Variants in KIF16B observed in about 807,000 individuals in gnomAD.
The protein encoded by KIF16B is kinesin-like protein KIF16B.
In KIF16B, 98 loss-of-function variants were observed where a neutral mutation model predicts 156.3. That is an observed-to-expected ratio of 0.63 (90% CI 0.53 to 0.74). The LOEUF (loss-of-function observed/expected upper bound fraction) is 0.74, where lower values mean the gene tolerates loss of function less well. KIF16B is among the 30% of genes least tolerant of loss of function. The probability of loss-of-function intolerance (pLI) is 0.00; values close to 1 mark genes in which losing one functional copy is unlikely to be tolerated. For synonymous variants in KIF16B, 564 were observed against 583.7 expected (o/e 0.97, Z 0.49); for missense variants, 1,421 against 1,606.5 (o/e 0.88, Z 1.97).
rs183369593 is a variant in KIF16B, at chr20:16,432,992, A to G, written c.1303-3010T>C. ...GTAACATTGATTTACTATAGCAAGGAATATGCAAATCTCAGCTAAACTGAG... is the reference window on the plus strand; with the variant it reads ...GTAACATTGATTTACTATAGCAAGGGATATGCAAATCTCAGCTAAACTGAG... On this transcript the variant is annotated intron_variant, in intron 12 of 25. Coordinates refer to ENST00000354981, the MANE Select transcript of KIF16B (RefSeq NM_024704.5). Among the ~76,000 whole-genome samples the G allele has an allele frequency of 2.4e-3, 368 of 152,310 alleles. 2 individuals carry two copies. Among genetic ancestry groups the G allele is most frequent in the Non-Finnish European group, 3.8e-3 (259 of 68,038 alleles).
intron 18 of KIF16B, 75 bp from the exon 19 acceptor site, chr20:16,380,238 G>A (rs1340479431): frequency 7.6e-7 from 1 of 1,320,196 alleles, no homozygotes; most frequent in Non-Finnish European, 9.9e-7. Context: ...GAAATGTTCT[G>A]AAAATGCACA....
intron 1 of KIF16B, among the ~76,000 whole-genome samples, chr20:16,556,512 CCCCCTGG>C (rs1461670069): frequency 6.6e-6 from 1 of 152,132 alleles, no homozygotes; most frequent in Non-Finnish European, 1.5e-5. Flanking sequence ...TCTATTCTTG[CCCCCTGG>C]GATTCTGTTC....
chr20:16,418,186 A>T (rs1307398351), intron 15 of KIF16B, among the ~76,000 whole-genome samples: 1 of 152,130 alleles, frequency 6.6e-6, no homozygotes, highest in African/African-American at 2.4e-5. Flanking sequence ...AAAGAGAAAA[A>T]AAGGGGTTAA....
At chr20:16,539,466 G>A (rs913757756) in intron 1 of KIF16B, among the ~76,000 whole-genome samples, 3 of 152,172 alleles carry the variant, frequency 2.0e-5, no homozygotes, top group Non-Finnish European at 4.4e-5. Context: ...AAACTTGAGC[G>A]TGATGACCTA....
intron 10 of KIF16B, among the ~76,000 whole-genome samples, chr20:16,498,529 T>C (rs2068520369): frequency 1.3e-5 from 2 of 152,168 alleles, no homozygotes; most frequent in Admixed American, 6.5e-5. Context: ...AAAACACTAT[T>C]CTGGACATTG....
chr20:16,429,780 A>T, intron 13 of KIF16B, 83 bp downstream of exon 13: 1 of 1,202,300 alleles, frequency 8.3e-7, no homozygotes, highest in Non-Finnish European at 1.1e-6. Context: ...GTTCATGACC[A>T]TAGAATATTA....
At chr20:16,332,975 T>C (rs2063974442) in intron 24 of KIF16B, among the ~76,000 whole-genome samples, 1 of 152,188 alleles carries the variant, frequency 6.6e-6, no homozygotes, top group South Asian at 2.1e-4. Context: ...GGTATGGCCA[T>C]TAAAATGACC....
chr20:16,500,940 C>T lies in KIF16B; in HGVS notation c.1177-3262G>A, dbSNP rs570775313. Reference sequence around the variant, plus strand: ...TTTCATTTCTATACTGTTTGATTTACTTGTTGTCTCCAGATACATTCAAGA... The same window carrying T: ...TTTCATTTCTATACTGTTTGATTTATTTGTTGTCTCCAGATACATTCAAGA... On this transcript the variant is annotated intron_variant, in intron 10 of 25. Transcript: ENST00000354981. Among the ~76,000 whole-genome samples the T allele has an allele frequency of 7.2e-5, 11 of 152,158 alleles. No individual in the cohort carries two copies. The South Asian group carries it at 2.1e-3, about 29-fold the overall frequency.
intron 12 of KIF16B, among the ~76,000 whole-genome samples, chr20:16,471,517 A>C (rs1035324323): frequency 5.3e-5 from 8 of 152,206 alleles, no homozygotes; most frequent in Non-Finnish European, 1.0e-4. Context: ...CAATGATATA[A>C]TCTTGAATCT....
At chr20:16,319,503 A>ATT (rs2063744315) in intron 24 of KIF16B, among the ~76,000 whole-genome samples, 1 of 152,216 alleles carries the variant, frequency 6.6e-6, no homozygotes, top group African/African-American at 2.4e-5. Context: ...GATCCAGTGG[A>ATT]GAAGTGAGAT....
chr20:16,491,672 G>A (rs369959306), intron 12 of KIF16B, among the ~76,000 whole-genome samples: 2 of 152,178 alleles, frequency 1.3e-5, no homozygotes, highest in African/African-American at 4.8e-5. Flanking sequence ...GAGAACTGAA[G>A]ACTAACATCC....
chr20:16,544,327 C>T (rs6044100), intron 1 of KIF16B, among the ~76,000 whole-genome samples: 53,973 of 151,934 alleles, frequency 0.36, 9,646 homozygotes, highest in African/African-American at 0.38. Flanking sequence ...AATGCTTCCT[C>T]AGCCGGGCAC....
intron 17 of KIF16B, chr20:16,382,160 A>T: frequency 7.8e-7 from 1 of 1,284,910 alleles, no homozygotes. Context: ...AGAGAGAGAA[A>T]GAGAGAGAGA....
chr20:16,332,668 G>T (rs1242369292), intron 24 of KIF16B, among the ~76,000 whole-genome samples: 2 of 152,164 alleles, frequency 1.3e-5, no homozygotes, highest in Non-Finnish European at 2.9e-5. Flanking sequence ...TCTGCGAGCA[G>T]AAGTCGCCTA....
At position 16,273,219 on chromosome 20, in the gene KIF16B, C is replaced by T. The variant is rs2122219848; in HGVS notation, c.*34G>A. 6.3e-7 allele frequency: 1 copy of T among 1,597,434 alleles called. No individual in the cohort carries two copies. Among genetic ancestry groups the T allele is most frequent in the South Asian group, 1.1e-5 (1 of 90,494 alleles). ...ATCGGAGCCCGCTTCGACGAGAAGG[C>T]ACTGCTGTGGTGGTTCCTCCATCAC... On this transcript the variant is annotated 3_prime_UTR_variant, in exon 26 of 26. Transcript: ENST00000354981.
At chr20:16,486,099 G>C (rs918324145) in intron 12 of KIF16B, among the ~76,000 whole-genome samples, 3 of 152,148 alleles carry the variant, frequency 2.0e-5, no homozygotes, top group Non-Finnish European at 4.4e-5. Context: ...CAGAGGACGA[G>C]ACTAGATGAG....
At chr20:16,457,524 T>C (rs936991922) in intron 12 of KIF16B, among the ~76,000 whole-genome samples, 9 of 152,066 alleles carry the variant, frequency 5.9e-5, no homozygotes, top group African/African-American at 1.7e-4. Flanking sequence ...GTGAGGCGGG[T>C]CCTGAATACA....
intron 25 of KIF16B, among the ~76,000 whole-genome samples, chr20:16,294,743 A>C (rs2063359098): frequency 6.6e-6 from 1 of 152,188 alleles, no homozygotes; most frequent in Non-Finnish European, 1.5e-5. Flanking sequence ...TATCACAGGT[A>C]GGGCAACAGC....
intron 12 of KIF16B, among the ~76,000 whole-genome samples, chr20:16,450,135 GT>G (rs1568548250): frequency 6.6e-6 from 1 of 152,082 alleles, no homozygotes; most frequent in Non-Finnish European, 1.5e-5. Flanking sequence ...CCATAGATTG[GT>G]AAAGTTTATG....
Sources: gnomAD v4.1 joint callset for allele counts (sites outside exome capture counted in the v4.1 genomes callset) on GRCh38, gnomAD v4.1.1 for gene constraint, MANE v1.5 for transcripts, NCBI Gene and HGNC (gene_info 2026-07-23, HGNC 2026-07-21) for gene names.